GRIN2A: variants seen among roughly 807,000 people sequenced by gnomAD.
The protein encoded by GRIN2A is glutamate ionotropic receptor NMDA type subunit 2A, also known as glutamate receptor ionotropic, NMDA 2A.
GRIN2A carries 22 observed loss-of-function variants against 113.4 expected under a neutral mutation model. The observed-to-expected ratio is 0.19, with a 90% CI of 0.14 to 0.28. The LOEUF (loss-of-function observed/expected upper bound fraction) is 0.28. Ranked by LOEUF, GRIN2A falls within the 10% of genes least tolerant of loss-of-function variation. GRIN2A has a pLI of 1.00. For synonymous variants in GRIN2A, 827 were observed against 738.4 expected (o/e 1.12, Z -1.94); for missense variants, 1,502 against 1,887.0 (o/e 0.80, Z 3.78).
rs566290878 is a variant in GRIN2A at position 9,937,072 on chromosome 16, C to A, written c.1007+887G>T. On this transcript the variant is annotated intron_variant, in intron 3 of 12. Transcript: ENST00000330684. ...CAGCTGTTTAGCTTCTAATAGGAAG[C>A]TTCAAAATCCCTAAATTAAATGTTT... Among the ~76,000 whole-genome samples, 1,402 of 150,840 alleles carry A rather than the reference C, an allele frequency of 9.3e-3. 17 individuals carry two copies. Among genetic ancestry groups the A allele is most frequent in the African/African-American group, 0.033 (1,337 of 40,236 alleles).
At chr16:9,916,968 T>C (rs191961816) in intron 3 of GRIN2A, among the ~76,000 whole-genome samples, 5 of 152,328 alleles carry the variant, frequency 3.3e-5, no homozygotes, top group Non-Finnish European at 4.4e-5. Context: ...TAGTGGTTCA[T>C]AGCAGACACT....
intron 11 of GRIN2A, among the ~76,000 whole-genome samples, chr16:9,771,350 ATTC>A (rs1901262306): frequency 6.6e-6 from 1 of 151,056 alleles, no homozygotes; most frequent in African/African-American, 2.4e-5. Context: ...CCGTTAATTT[ATTC>A]TTTTGTTGGT....
chr16:9,926,135 G>A (rs1250324839), intron 3 of GRIN2A, among the ~76,000 whole-genome samples: 2 of 152,048 alleles, frequency 1.3e-5, no homozygotes, highest in African/African-American at 4.8e-5. Context: ...ACTCTCCTTG[G>A]GTAATTCAGG....
intron 2 of GRIN2A, among the ~76,000 whole-genome samples, chr16:9,957,161 C>A (rs140977135): frequency 6.6e-6 from 1 of 152,326 alleles, no homozygotes; most frequent in East Asian, 1.9e-4. Flanking sequence ...CCTGGGAATG[C>A]CCTTGGCTTT....
chr16:9,926,333 A>T (rs546301172), intron 3 of GRIN2A, among the ~76,000 whole-genome samples: 1 of 152,328 alleles, frequency 6.6e-6, no homozygotes, highest in South Asian at 2.1e-4. Context: ...TTTTGAGAAA[A>T]TGTGGGCAAA....
intron 2 of GRIN2A, among the ~76,000 whole-genome samples, chr16:9,981,868 C>A (rs1022325572): frequency 4.6e-5 from 7 of 152,134 alleles, no homozygotes; most frequent in African/African-American, 1.7e-4. Context: ...CTCACTGCAA[C>A]CTCTGACTCC....
intron 2 of GRIN2A, among the ~76,000 whole-genome samples, chr16:10,133,893 G>A (rs1219332183): frequency 2.0e-5 from 3 of 152,112 alleles, no homozygotes; most frequent in African/African-American, 7.2e-5. Flanking sequence ...TTGGAATTCA[G>A]TTAGGCAGTC....
At chr16:10,111,572 C>G (rs879005360) in intron 2 of GRIN2A, 1 of 867,552 alleles carries the variant, frequency 1.2e-6, no homozygotes, top group South Asian at 1.3e-5. Context: ...CTGAAGACAC[C>G]ACTGATCTCT....
At chr16:9,969,930 G>A (rs886917096) in intron 2 of GRIN2A, among the ~76,000 whole-genome samples, 4 of 152,156 alleles carry the variant, frequency 2.6e-5, no homozygotes, top group Admixed American at 6.5e-5. Flanking sequence ...GCCTACTCCC[G>A]CACGCCATCT....
intron 2 of GRIN2A, among the ~76,000 whole-genome samples, chr16:10,110,162 C>G (rs1196655858): frequency 5.9e-5 from 9 of 151,440 alleles, no homozygotes; most frequent in African/African-American, 1.9e-4. Context: ...AATAACCTGT[C>G]AAGTGAAGAA....
intron 2 of GRIN2A, among the ~76,000 whole-genome samples, chr16:10,139,279 G>T (rs1052389195): frequency 1.3e-5 from 2 of 152,164 alleles, no homozygotes; most frequent in Admixed American, 6.5e-5. Flanking sequence ...GGAGGTCAGG[G>T]TGAGCTTCCC....
Position 9,937,973 on chromosome 16 carries a change from C to G in GRIN2A, c.993G>C (p.Met331Ile). ...YGQMERPEVP[M>I]HTLHPFMVNV... ...CCCTTTCTTACGGGTGCAAGGTGTG[C>G]ATCGGGACCTCTGGCCTCTCCATCT... The change falls in exon 3 of 13, where the codon ATG becomes ATC. Residue 331 changes from methionine (M) to isoleucine (I), a missense_variant. This residue lies in a region of GRIN2A where 334 missense variants were observed against 403.0 expected (regional missense o/e 0.83). Transcript: ENST00000330684. 6.2e-7 allele frequency: 1 copy of G among 1,613,050 alleles called. No individual in the cohort carries two copies. Among genetic ancestry groups the G allele is most frequent in the Non-Finnish European group, 8.5e-7 (1 of 1,179,124 alleles).
At chr16:9,975,645 C>T (rs2045760384) in intron 2 of GRIN2A, among the ~76,000 whole-genome samples, 1 of 152,186 alleles carries the variant, frequency 6.6e-6, no homozygotes, top group Non-Finnish European at 1.5e-5. Flanking sequence ...AGGGGAAATA[C>T]AGAAACAACA....
At chr16:10,106,503 C>T (rs2048504381) in intron 2 of GRIN2A, among the ~76,000 whole-genome samples, 3 of 151,912 alleles carry the variant, frequency 2.0e-5, no homozygotes, top group Admixed American at 6.6e-5. Flanking sequence ...CACCATCACA[C>T]GTGAGGTTGT....
At chr16:9,787,091 G>C (rs1902276141) in intron 11 of GRIN2A, among the ~76,000 whole-genome samples, 1 of 152,058 alleles carries the variant, frequency 6.6e-6, no homozygotes, top group Non-Finnish European at 1.5e-5. Context: ...ATTTTTAAAT[G>C]GCCTGCAAAG....
Position 9,754,578 on chromosome 16 carries a change from G to T in GRIN2A, c.*8571C>A, listed in dbSNP as rs1900283219. Reference sequence around the variant, plus strand: ...GGCCTGAATCTTTTGTTTTTAAACTGAAACATTTACGTAAGTGGTCATGGC... The same window carrying T: ...GGCCTGAATCTTTTGTTTTTAAACTTAAACATTTACGTAAGTGGTCATGGC... On this transcript the variant is annotated 3_prime_UTR_variant, in exon 13 of 13. Coordinates refer to ENST00000330684, the MANE Select transcript of GRIN2A (RefSeq NM_001134407.3). 1 of 212,200 alleles carries T rather than the reference G, an allele frequency of 4.7e-6. No individual in the cohort carries two copies. The highest frequency in any genetic ancestry group is 9.5e-6 in the Non-Finnish European group (1 of 104,918). The allele number at this position is 212,200 out of a possible 1,614,324, so 13.1% of individuals were successfully genotyped here.
chr16:10,075,421 T>C (rs982236713), intron 2 of GRIN2A, among the ~76,000 whole-genome samples: 6 of 151,934 alleles, frequency 3.9e-5, no homozygotes, highest in African/African-American at 7.3e-5. Context: ...AGTAGAATAG[T>C]AGTTACCAGG....
intron 3 of GRIN2A, among the ~76,000 whole-genome samples, chr16:9,926,738 T>C (rs796291505): frequency 2.0e-5 from 3 of 152,290 alleles, no homozygotes; most frequent in African/African-American, 7.2e-5. Flanking sequence ...AGGTGGGGAC[T>C]AAGGTGTACT....
intron 2 of GRIN2A, among the ~76,000 whole-genome samples, chr16:10,060,873 A>T (rs1406477176): frequency 6.6e-6 from 1 of 152,196 alleles, no homozygotes; most frequent in African/African-American, 2.4e-5. Context: ...AACCATCCCC[A>T]AATCTAACTT....
Sources: allele counts gnomAD v4.1 joint callset (sites outside exome capture counted in the v4.1 genomes callset), GRCh38; gene constraint gnomAD v4.1.1; regional missense constraint gnomAD v4.1.1; transcripts MANE v1.5; gene names NCBI Gene and HGNC (gene_info 2026-07-23, HGNC 2026-07-21).